Variants in NR3C2 observed in about 807,000 individuals in gnomAD.
NR3C2 encodes mineralocorticoid receptor.
In NR3C2, 15 loss-of-function variants were observed where a neutral mutation model predicts 86.4. The ratio of observed to expected loss-of-function variants is 0.17; its 90% CI spans 0.12 to 0.27. The LOEUF is 0.27. NR3C2 is among the 10% of genes least tolerant of loss of function. NR3C2 has a pLI of 1.00. For synonymous variants in NR3C2, 458 were observed against 450.5 expected (o/e 1.02, Z -0.21); for missense variants, 960 against 1,195.6 (o/e 0.80, Z 2.91).
At chr4:148,348,024 T>G (rs1745083463) in intron 2 of NR3C2, among the ~76,000 whole-genome samples, 1 of 152,078 alleles carries the variant, frequency 6.6e-6, no homozygotes, top group Admixed American at 6.6e-5. Flanking sequence ...TTATAAATTA[T>G]CCCAGCACCA....
At chr4:148,384,132 CAAAATAGAATTTAAATGATCATTTATAAT>C in intron 2 of NR3C2, among the ~76,000 whole-genome samples, 1 of 151,670 alleles carries the variant, frequency 6.6e-6, no homozygotes, top group South Asian at 2.1e-4. Context: ...TCTACATGTT[CAAAATAGAATTTAAATGATCATTTATAAT>C]AAATGATTCA....
At chr4:148,270,631 C>T (rs1301574511) in intron 2 of NR3C2, among the ~76,000 whole-genome samples, 1 of 152,096 alleles carries the variant, frequency 6.6e-6, no homozygotes, top group African/African-American at 2.4e-5. Flanking sequence ...AGAATGTGTT[C>T]AAATAAATCA....
chr4:148,226,717 C>T (rs1360062910), intron 3 of NR3C2, among the ~76,000 whole-genome samples: 1 of 152,106 alleles, frequency 6.6e-6, no homozygotes, highest in Non-Finnish European at 1.5e-5. Flanking sequence ...CATGCGAGTT[C>T]CAGCTAATTC....
chr4:148,216,134 G>T (rs1016071059), intron 3 of NR3C2, among the ~76,000 whole-genome samples: 2 of 152,048 alleles, frequency 1.3e-5, no homozygotes, highest in African/African-American at 2.4e-5. Flanking sequence ...AAATGAATGA[G>T]TATGGCTCTG....
intron 2 of NR3C2, among the ~76,000 whole-genome samples, chr4:148,263,805 G>A (rs1351008724): frequency 2.0e-5 from 3 of 152,118 alleles, no homozygotes; most frequent in Admixed American, 6.5e-5. Context: ...GGGCCCTGAT[G>A]TTCCCCCAGC....
In NR3C2 at chr4:148,080,777, T is replaced by G. The variant is rs1311348560; in HGVS notation, c.*567A>C. 2 of 420,302 alleles carry G rather than the reference T, an allele frequency of 4.8e-6. No individual in the cohort carries two copies. Among genetic ancestry groups the G allele is most frequent in the Non-Finnish European group, 9.8e-6 (2 of 204,530 alleles). 26.0% of individuals were successfully genotyped at this position (420,302 alleles called of 1,614,324 possible). On this transcript the variant is annotated 3_prime_UTR_variant, in exon 9 of 9. Coordinates refer to ENST00000358102, the MANE Select transcript of NR3C2 (RefSeq NM_000901.5). ...CGCTAACGAGTGTGTATACCAGTGA[T>G]GCAGAAGACCGTGGACGAGCGAGGG...
chr4:148,404,357 A>G (rs1055786538), intron 2 of NR3C2, among the ~76,000 whole-genome samples: 14 of 152,200 alleles, frequency 9.2e-5, no homozygotes, highest in Admixed American at 5.2e-4. Flanking sequence ...GTGGAACAAA[A>G]GAAGAATAAA....
Position 148,303,786 on chromosome 4 carries a change from G to C in NR3C2, c.1758-43669C>G, listed in dbSNP as rs192423500. Among the ~76,000 whole-genome samples the C allele has an allele frequency of 2.0e-5, 3 of 152,316 alleles. No homozygotes were observed. The East Asian group carries it at 5.8e-4, about 29-fold the overall frequency. On this transcript the variant is annotated intron_variant, in intron 2 of 8. Transcript: ENST00000358102. ...CCAAGCTTTCCATTTCATGGATAAA[G>C]GTCACGCTAGTATCCATGGCATAAA...
chr4:148,269,145 C>A (rs1579087405), intron 2 of NR3C2, among the ~76,000 whole-genome samples: 1 of 152,042 alleles, frequency 6.6e-6, no homozygotes, highest in African/African-American at 2.4e-5. Flanking sequence ...TACAAAAAAA[C>A]CAACATTTCC....
Position 148,150,072 on chromosome 4 carries a change from T to G in NR3C2, c.2510+2397A>C, listed in dbSNP as rs148441459. Among the ~76,000 whole-genome samples, 80 of 152,288 alleles carry G rather than the reference T, an allele frequency of 5.3e-4. No homozygotes were observed. The East Asian group carries it at 0.01, about 19-fold the overall frequency. ...TACTGAAAGAACTGAAAGCAGCATC[T>G]CAAAGATATATTTATATACCCATAT... On this transcript the variant is annotated intron_variant, in intron 6 of 8. Coordinates refer to ENST00000358102, the MANE Select transcript of NR3C2 (RefSeq NM_000901.5).
At chr4:148,277,182 T>C (rs1741001163) in intron 2 of NR3C2, among the ~76,000 whole-genome samples, 1 of 152,222 alleles carries the variant, frequency 6.6e-6, no homozygotes, top group Non-Finnish European at 1.5e-5. Flanking sequence ...CATAAAATTC[T>C]ACAAATCAGA....
chr4:148,144,697 T>C (rs1267188952), intron 6 of NR3C2, among the ~76,000 whole-genome samples: 5 of 152,174 alleles, frequency 3.3e-5, no homozygotes, highest in East Asian at 1.9e-4. Context: ...TCCAGCCCCA[T>C]TGCCCCTTCC....
At chr4:148,313,435 T>C (rs1268581147) in intron 2 of NR3C2, among the ~76,000 whole-genome samples, 1 of 152,198 alleles carries the variant, frequency 6.6e-6, no homozygotes, top group Non-Finnish European at 1.5e-5. Context: ...TTTTATCAAT[T>C]GAAAAATCTC....
intron 2 of NR3C2, among the ~76,000 whole-genome samples, chr4:148,325,185 A>G (rs1462313805): frequency 6.6e-6 from 1 of 151,696 alleles, no homozygotes; most frequent in Non-Finnish European, 1.5e-5. Flanking sequence ...GGAGAGTACA[A>G]AAATAATCAC....
At chr4:148,286,262 C>T (rs968986600) in intron 2 of NR3C2, among the ~76,000 whole-genome samples, 6 of 152,108 alleles carry the variant, frequency 3.9e-5, no homozygotes, top group Non-Finnish European at 7.4e-5. Context: ...TGTAAAAACC[C>T]AGCTGTGTTA....
chr4:148,419,798 A>G (rs1370927968), intron 2 of NR3C2, among the ~76,000 whole-genome samples: 2 of 152,154 alleles, frequency 1.3e-5, no homozygotes, highest in African/African-American at 4.8e-5. Flanking sequence ...TCCAATCATT[A>G]ATTTTCTGTT....
chr4:148,376,538 A>C (rs1019898489), intron 2 of NR3C2, among the ~76,000 whole-genome samples: 1 of 152,202 alleles, frequency 6.6e-6, no homozygotes. Context: ...TAAAAGGGTA[A>C]GAGAGAGCTC....
At chr4:148,107,718 C>A (rs982346426) in intron 8 of NR3C2, among the ~76,000 whole-genome samples, 9 of 152,128 alleles carry the variant, frequency 5.9e-5, no homozygotes, top group African/African-American at 2.2e-4. Context: ...AAGCTGGAAG[C>A]CATCATTCTC....
chr4:148,286,874 G>C (rs1421418466), intron 2 of NR3C2, among the ~76,000 whole-genome samples: 2 of 152,114 alleles, frequency 1.3e-5, no homozygotes, highest in African/African-American at 4.8e-5. Flanking sequence ...TGTACAAAGG[G>C]AGTCACAATT....
Sources: allele counts gnomAD v4.1 joint callset (sites outside exome capture counted in the v4.1 genomes callset), GRCh38; gene constraint gnomAD v4.1.1; transcripts MANE v1.5; gene names NCBI Gene and HGNC (gene_info 2026-07-23, HGNC 2026-07-21).